Variants in CFAP69 observed in about 807,000 individuals in gnomAD.
The protein encoded by CFAP69 is cilia and flagella associated protein 69, also known as cilia- and flagella-associated protein 69.
CFAP69 carries 92 observed loss-of-function variants against 123.0 expected under a neutral mutation model. The observed-to-expected ratio is 0.75, with a 90% CI of 0.63 to 0.89. The LOEUF (loss-of-function observed/expected upper bound fraction) is 0.89, where lower values mean the gene tolerates loss of function less well. Among genes scored for constraint, CFAP69 ranks in the 40% least tolerant of loss-of-function variants. The probability of loss-of-function intolerance (pLI) is 0.00; values close to 1 mark genes in which losing one functional copy is unlikely to be tolerated. For synonymous variants in CFAP69, 380 were observed against 364.3 expected (o/e 1.04, Z -0.49); for missense variants, 1,067 against 1,096.9 (o/e 0.97, Z 0.39).
At chr7:90,322,495 G>A in the CFAP69 span, 1 of 152,128 alleles carries the variant, frequency 6.6e-6, no homozygotes, top group Non-Finnish European at 1.5e-5. Context: ...TTAACCTTGG[G>A]CACATGTCCC....
Position 90,250,536 on chromosome 7 carries a change from A to T in CFAP69, c.121-4887A>T, listed in dbSNP as rs541191511. Reference sequence around the variant, plus strand: ...CTCCCTCTGAAATGTCCCTGGGTAAAGTGGGAAATAAGTTCATCCTATAAT... The same window carrying T: ...CTCCCTCTGAAATGTCCCTGGGTAATGTGGGAAATAAGTTCATCCTATAAT... On this transcript the variant is annotated intron_variant, in intron 1 of 22. Coordinates refer to ENST00000389297, the MANE Select transcript of CFAP69 (RefSeq NM_001039706.3). Among the ~76,000 whole-genome samples the T allele has an allele frequency of 5.9e-5, 9 of 152,324 alleles. No homozygotes were observed. In the South Asian group the frequency reaches 1.9e-3, roughly 32 times the overall value.
chr7:90,262,010 C>A lies in CFAP69; in HGVS notation c.310C>A (p.Gln104Lys). 6.2e-7 allele frequency: 1 copy of A among 1,602,430 alleles called. No individual in the cohort carries two copies. Reference protein sequence around the residue: ...LNLCSGKIKNQPRFIESAYDI... With the variant: ...LNLCSGKIKNKPRFIESAYDI... ...TCTGTGTTCAGGAAAAATAAAAAACCAGCCTCGTTTTATAGAATCTGCATA... is the reference window on the plus strand; with the variant it reads ...TCTGTGTTCAGGAAAAATAAAAAACAAGCCTCGTTTTATAGAATCTGCATA... Residue 104 changes from glutamine (Q) to lysine (K), a missense_variant, in exon 4 of 23, where the codon CAG (glutamine) becomes AAG (lysine). Coordinates refer to ENST00000389297, the MANE Select transcript of CFAP69 (RefSeq NM_001039706.3).
intron 15 of CFAP69, among the ~76,000 whole-genome samples, chr7:90,294,703 C>A (rs1054310462): frequency 6.6e-6 from 1 of 152,212 alleles, no homozygotes; most frequent in African/African-American, 2.4e-5. Context: ...AGCAGGCTTA[C>A]AGGTGTCCTA....
At chr7:90,289,300 C>T (rs755117668) in intron 15 of CFAP69, among the ~76,000 whole-genome samples, 8 of 152,030 alleles carry the variant, frequency 5.3e-5, no homozygotes, top group Non-Finnish European at 1.2e-4. Flanking sequence ...CTCCTTTTTC[C>T]ACACCCTTAC....
chr7:90,258,300 A>T, intron 3 of CFAP69, 137 bp downstream of exon 3: 2 of 655,848 alleles, frequency 3.0e-6, no homozygotes, highest in Non-Finnish European at 5.0e-6. Context: ...TAAAGTTATT[A>T]TCATACAGTT....
At chr7:90,246,108 G>T (rs1231110676) in intron 1 of CFAP69, among the ~76,000 whole-genome samples, 4 of 152,182 alleles carry the variant, frequency 2.6e-5, no homozygotes, top group African/African-American at 9.7e-5. Context: ...GAGAGAACCG[G>T]GAGAGAATAG....
intron 15 of CFAP69, among the ~76,000 whole-genome samples, chr7:90,291,128 A>G (rs1041940640): frequency 6.6e-6 from 1 of 152,164 alleles, no homozygotes; most frequent in Non-Finnish European, 1.5e-5. Flanking sequence ...AGTCCAAAGG[A>G]TAAAGTGAAA....
At chr7:90,299,837 C>CT (rs1024385703) in intron 16 of CFAP69, 30 bp from the exon 17 acceptor site, 1 of 1,512,518 alleles carries the variant, frequency 6.6e-7, no homozygotes, top group Admixed American at 2.1e-5. Context: ...TTTATTGCAA[C>CT]TTTTTTCCTT....
intron 3 of CFAP69, among the ~76,000 whole-genome samples, chr7:90,261,718 G>GA (rs1254959503): frequency 6.6e-6 from 1 of 151,850 alleles, no homozygotes; most frequent in African/African-American, 2.4e-5. Context: ...GTTGTGAGAG[G>GA]AAAAAAATTT....
Position 90,279,765 on chromosome 7 carries a change from A to G in CFAP69, c.1244A>G (p.Gln415Arg). The G allele has an allele frequency of 1.2e-6, 2 of 1,613,486 alleles. No homozygotes were observed. The highest frequency in any genetic ancestry group is 1.1e-5 in the South Asian group (1 of 90,994). The change falls in exon 12 of 23, where the codon CAG becomes CGG. Residue 415 changes from glutamine to arginine, a missense_variant. Transcript: ENST00000389297. ...KQKIIDWSAA[Q>R]HEELQLHAIA... is the part of the protein sequence containing the mutation. The stretch of plus-strand genomic sequence containing the variant: ...AAAATAATTGACTGGTCTGCAGCAC[A>G]GCATGAAGAATTACAACTGCATGCA...
At chr7:90,319,048 G>T in the CFAP69 span, 5 of 218,606 alleles carry the variant, frequency 2.3e-5, no homozygotes, top group Non-Finnish European at 4.4e-5. Flanking sequence ...TTCAACAAAT[G>T]TAATATGAAT....
At chr7:90,308,370 T>C (rs1793910661) in intron 21 of CFAP69, among the ~76,000 whole-genome samples, 1 of 152,158 alleles carries the variant, frequency 6.6e-6, no homozygotes, top group African/African-American at 2.4e-5. Context: ...ATCTAAAAAA[T>C]GTATAGTGCT....
rs374823906 is a variant in CFAP69 at position 90,310,164 on chromosome 7, A to G, written c.2752A>G (p.Ile918Val). The G allele has an allele frequency of 4.2e-5, 68 of 1,613,866 alleles. No homozygotes were observed. Among genetic ancestry groups the G allele is most frequent in the Non-Finnish European group, 5.6e-5 (66 of 1,179,922 alleles). The change falls in exon 23 of 23, where the codon ATT becomes GTT. Residue 918 changes from isoleucine to valine, a missense_variant. Ile to Val is a conservative substitution (Grantham distance 29). Coordinates refer to ENST00000389297, the MANE Select transcript of CFAP69 (RefSeq NM_001039706.3). ...DTDIALKKLP[I>V]RGGALQRVKA... ...GGATATTGCTCTTAAAAAACTGCCC[A>G]TTCGAGGAGGAGCCTTGCAGAGGGT...
intron 1 of CFAP69, among the ~76,000 whole-genome samples, chr7:90,250,683 A>G (rs1159250248): frequency 6.6e-6 from 1 of 152,142 alleles, no homozygotes; most frequent in African/African-American, 2.4e-5. Flanking sequence ...TTTGGTATTT[A>G]CATATGTATG....
At chr7:90,274,226 G>A in intron 9 of CFAP69, 116 bp downstream of exon 9, 1 of 1,245,660 alleles carries the variant, frequency 8.0e-7, no homozygotes. Flanking sequence ...AAGTTATGCT[G>A]TAATATCTTG....
At chr7:90,290,139 C>A (rs1790910254) in intron 15 of CFAP69, among the ~76,000 whole-genome samples, 1 of 151,910 alleles carries the variant, frequency 6.6e-6, no homozygotes, top group South Asian at 2.1e-4. Flanking sequence ...AGAGACAGAA[C>A]CAGTAAGAAA....
At position 90,268,351 on chromosome 7, in the gene CFAP69, T is replaced by C. The variant is rs1392694971; in HGVS notation, c.499T>C (p.Tyr167His). 1 of 1,610,730 alleles carries C rather than the reference T, an allele frequency of 6.2e-7. No individual in the cohort carries two copies. Among genetic ancestry groups the C allele is most frequent in the African/African-American group, 1.3e-5 (1 of 74,846 alleles). ...AATTTGTAAGTGTATTGTTGATTTT[T>C]ATCATGCAGAACCACCAAAGAAGCA... is the stretch of plus-strand genomic sequence containing the variant. ...IQICKCIVDF[Y>H]HAEPPKKHIP... Residue 167 changes from tyrosine (Y) to histidine (H), a missense_variant, in exon 6 of 23, where the codon TAT becomes CAT. Transcript: ENST00000389297.
the CFAP69 span, chr7:90,318,857 AT>A: frequency 6.6e-6 from 1 of 152,196 alleles, no homozygotes; most frequent in Non-Finnish European, 1.5e-5. Flanking sequence ...TGCTTGAGGT[AT>A]TTTACATGTT....
At chr7:90,263,186 A>T (rs564570527) in intron 4 of CFAP69, among the ~76,000 whole-genome samples, 1 of 152,276 alleles carries the variant, frequency 6.6e-6, no homozygotes, top group South Asian at 2.1e-4. Flanking sequence ...CTGAATGTTT[A>T]ATTGTATAAT....
Sources: allele counts gnomAD v4.1 joint callset (sites outside exome capture counted in the v4.1 genomes callset), GRCh38; gene constraint gnomAD v4.1.1; transcripts MANE v1.5; gene names NCBI Gene and HGNC (gene_info 2026-07-23, HGNC 2026-07-21).